Variants in OR2L13 observed in about 807,000 individuals in gnomAD.
OR2L13 encodes olfactory receptor family 2 subfamily L member 13.
OR2L13 carries 14 observed loss-of-function variants against 15.3 expected under a neutral mutation model. The ratio of observed to expected loss-of-function variants is 0.91; its 90% CI spans 0.60 to 1.43. The LOEUF (loss-of-function observed/expected upper bound fraction) is 1.43. Among genes scored for constraint, OR2L13 ranks in the 40% most tolerant of loss-of-function variants. The probability of loss-of-function intolerance (pLI) is 0.00; values close to 1 mark genes in which losing one functional copy is unlikely to be tolerated. For missense variants in OR2L13, 367 were observed against 387.9 expected, an observed-to-expected ratio of 0.95 and a Z score of 0.45; for synonymous variants, 152 against 142.9, an observed-to-expected ratio of 1.06 and a Z score of -0.45.
upstream of OR2L13, among the ~76,000 whole-genome samples, chr1:248,095,625 G>GTTTTTTTTTTTTTTTTTTTC (rs1664719548): frequency 1.1e-3 from 1 of 894 alleles, no homozygotes; most frequent in Non-Finnish European, 8.9e-3. Flanking sequence ...TTTTTTTTTT[G>GTTTTTTTTTTTTTTTTTTTC]AGATGGAGTC....
At chr1:248,080,597 G>T in the OR2L13 span, among the ~76,000 whole-genome samples, 1 of 152,168 alleles carries the variant, frequency 6.6e-6, no homozygotes, top group Non-Finnish European at 1.5e-5. Context: ...TCCCTGCAAA[G>T]GACGTAAACT....
At chr1:248,005,398 T>C in the OR2L13 span, among the ~76,000 whole-genome samples, 2 of 152,158 alleles carry the variant, frequency 1.3e-5, no homozygotes, top group Non-Finnish European at 2.9e-5. Flanking sequence ...TTCTGTTTCA[T>C]TGTTCTATGT....
At chr1:247,986,845 T>A in the OR2L13 span, among the ~76,000 whole-genome samples, 1 of 152,220 alleles carries the variant, frequency 6.6e-6, no homozygotes, top group Non-Finnish European at 1.5e-5. Context: ...GTAAGTTGTA[T>A]TCCTACGTAT....
chr1:248,076,657 G>T, the OR2L13 span, among the ~76,000 whole-genome samples: 1 of 152,088 alleles, frequency 6.6e-6, no homozygotes, highest in Non-Finnish European at 1.5e-5. Flanking sequence ...TGTTAATGAT[G>T]TATAGGAATC....
the OR2L13 span, chr1:247,975,328 A>G: frequency 3.9e-6 from 2 of 516,016 alleles, no homozygotes; most frequent in East Asian, 8.6e-5. Flanking sequence ...TTTGAGCACA[A>G]CCCTCTTTCT....
the OR2L13 span, among the ~76,000 whole-genome samples, chr1:248,000,305 A>G: frequency 6.6e-6 from 1 of 152,150 alleles, no homozygotes; most frequent in African/African-American, 2.4e-5. Flanking sequence ...ACTCAAGAAG[A>G]CCATCCTCCT....
the OR2L13 span, among the ~76,000 whole-genome samples, chr1:248,068,829 A>G: frequency 1.0e-2 from 1,516 of 152,360 alleles, 20 homozygotes; most frequent in African/African-American, 0.034. Context: ...TGAAGAATGC[A>G]GAAGCCTCAG....
At chr1:247,994,813 A>T in the OR2L13 span, among the ~76,000 whole-genome samples, 1 of 152,228 alleles carries the variant, frequency 6.6e-6, no homozygotes, top group Non-Finnish European at 1.5e-5. Flanking sequence ...TAATCATTTC[A>T]ATATGTATAT....
At chr1:247,985,744 T>C in the OR2L13 span, among the ~76,000 whole-genome samples, 2 of 151,152 alleles carry the variant, frequency 1.3e-5, no homozygotes, top group South Asian at 4.2e-4. Context: ...AAAATGTTTC[T>C]ATTTCTCCAC....
chr1:248,077,994 A>T, the OR2L13 span, among the ~76,000 whole-genome samples: 3 of 152,232 alleles, frequency 2.0e-5, no homozygotes, highest in Non-Finnish European at 2.9e-5. Flanking sequence ...GAGGCATCTT[A>T]TCAAATAGGA....
chr1:248,034,173 T>C, the OR2L13 span, among the ~76,000 whole-genome samples: 1 of 152,154 alleles, frequency 6.6e-6, no homozygotes, highest in African/African-American at 2.4e-5. Flanking sequence ...AACAAACCTA[T>C]GGAAACACGT....
chr1:248,075,572 G>T, the OR2L13 span, among the ~76,000 whole-genome samples: 5 of 152,174 alleles, frequency 3.3e-5, no homozygotes, highest in South Asian at 1.0e-3. Flanking sequence ...GTATCTCATT[G>T]TGGTTTTGAT....
At chr1:248,079,794 T>A in the OR2L13 span, among the ~76,000 whole-genome samples, 2 of 152,190 alleles carry the variant, frequency 1.3e-5, no homozygotes, top group Admixed American at 1.3e-4. Flanking sequence ...TAGTAGACTA[T>A]CTTTATGACT....
the OR2L13 span, chr1:247,975,280 G>C: frequency 4.5e-6 from 2 of 448,274 alleles, no homozygotes; most frequent in South Asian, 3.9e-5. Context: ...GGTGACTCTG[G>C]CCTTCGTGGA....
At chr1:247,991,834 TCCG>T in the OR2L13 span, among the ~76,000 whole-genome samples, 3 of 149,732 alleles carry the variant, frequency 2.0e-5, 1 homozygote, top group Non-Finnish European at 4.4e-5. Context: ...ATAAAAGTTA[TCCG>T]CTTAGGTCCT....
the OR2L13 span, among the ~76,000 whole-genome samples, chr1:248,035,277 C>G: frequency 1.3e-5 from 2 of 151,796 alleles, no homozygotes; most frequent in Non-Finnish European, 2.9e-5. Context: ...GGTGAAACCC[C>G]GTCTCTACTA....
At chr1:248,036,170 C>A in the OR2L13 span, among the ~76,000 whole-genome samples, 1 of 151,968 alleles carries the variant, frequency 6.6e-6, no homozygotes. Context: ...ATGTGCATTT[C>A]TGGGAATGCC....
chr1:248,003,095 C>T, the OR2L13 span: 80 of 1,005,766 alleles, frequency 8.0e-5, 1 homozygote, highest in South Asian at 9.2e-4. Flanking sequence ...TTAACTTACT[C>T]GTGTCTCCCT....
At chr1:248,076,864 A>G in the OR2L13 span, among the ~76,000 whole-genome samples, 1 of 152,160 alleles carries the variant, frequency 6.6e-6, no homozygotes, top group South Asian at 2.1e-4. Context: ...CCCTGGCCAG[A>G]ATTTCCAACA....
Sources: gnomAD v4.1 joint callset for allele counts (sites outside exome capture counted in the v4.1 genomes callset) on GRCh38, gnomAD v4.1.1 for gene constraint, MANE v1.5 for transcripts, NCBI Gene and HGNC (gene_info 2026-07-23, HGNC 2026-07-21) for gene names.